Variants in SOX6 observed in about 807,000 individuals in gnomAD.
The protein encoded by SOX6 is transcription factor SOX-6.
In SOX6, 11 loss-of-function variants were observed where a neutral mutation model predicts 97.8. The observed-to-expected ratio is 0.11, with a 90% CI of 0.07 to 0.19. The LOEUF (loss-of-function observed/expected upper bound fraction) is 0.19, where lower values mean the gene tolerates loss of function less well. SOX6 is among the 10% of genes least tolerant of loss of function. SOX6 has a pLI of 1.00. For synonymous variants in SOX6, 360 were observed against 371.4 expected (o/e 0.97, Z 0.35); for missense variants, 810 against 1,039.5 (o/e 0.78, Z 3.04).
chr11:16,545,518 A>G (rs1032344126), intron 4 of SOX6, among the ~76,000 whole-genome samples: 1 of 152,208 alleles, frequency 6.6e-6, no homozygotes, highest in African/African-American at 2.4e-5. Context: ...GAATGGGGGA[A>G]AGCTGAAAGC....
chr11:16,095,012 T>C (rs1356644733), intron 9 of SOX6, among the ~76,000 whole-genome samples: 1 of 151,858 alleles, frequency 6.6e-6, no homozygotes, highest in Non-Finnish European at 1.5e-5. Context: ...ATTGACTACA[T>C]AGTGTTTGAG....
intron 4 of SOX6, among the ~76,000 whole-genome samples, chr11:16,193,546 A>T (rs1851688484): frequency 6.6e-6 from 1 of 152,188 alleles, no homozygotes; most frequent in African/African-American, 2.4e-5. Context: ...ACTTAATCGG[A>T]CTTAATGAAA....
chr11:16,247,057 C>T (rs186907546), intron 3 of SOX6, among the ~76,000 whole-genome samples: 143 of 152,264 alleles, frequency 9.4e-4, no homozygotes, highest in African/African-American at 3.2e-3. Flanking sequence ...TTATCCCCTG[C>T]TCCCCATTAT....
chr11:16,648,107 G>A (rs887134635), intron 3 of SOX6, among the ~76,000 whole-genome samples: 5 of 152,140 alleles, frequency 3.3e-5, no homozygotes, highest in Admixed American at 2.6e-4. Context: ...ACTGGAAAGG[G>A]TGAGGTCTGA....
chr11:16,134,540 C>T (rs527821415), intron 6 of SOX6, among the ~76,000 whole-genome samples: 2 of 152,320 alleles, frequency 1.3e-5, no homozygotes, highest in Admixed American at 6.5e-5. Flanking sequence ...GCAAGCCTAC[C>T]AATGTCATTT....
chr11:16,234,343 A>T (rs1475965350), intron 4 of SOX6, among the ~76,000 whole-genome samples: 14 of 152,166 alleles, frequency 9.2e-5, no homozygotes, highest in Non-Finnish European at 1.5e-4. Flanking sequence ...TAAATTAATG[A>T]GGCAGCATAT....
chr11:16,455,577 G>C (rs1364927441), intron 1 of SOX6, among the ~76,000 whole-genome samples: 1 of 151,948 alleles, frequency 6.6e-6, no homozygotes, highest in Non-Finnish European at 1.5e-5. Flanking sequence ...GTATCAGAAG[G>C]ACACAGATTA....
chr11:16,341,069 G>A lies in SOX6; in HGVS notation c.180C>T (p.Val60=). Reference sequence around the variant, plus strand: ...AGTCAGCATCTTGTTGAATGGTACTGACAAGTGTTGGTAGCTCCTCAGAGT... The same window carrying A: ...AGTCAGCATCTTGTTGAATGGTACTAACAAGTGTTGGTAGCTCCTCAGAGT... The part of the protein sequence containing the change: ...KPHSEELPTL[V]STIQQDADWD... Residue 60 remains valine, a synonymous_variant, in exon 2 of 16, where the codon GTC becomes GTT. Coordinates refer to ENST00000683767, the MANE Select transcript of SOX6 (RefSeq NM_001367873.1). 2.5e-6 allele frequency: 4 copies of A among 1,613,482 alleles called. No individual in the cohort carries two copies. Among genetic ancestry groups the A allele is most frequent in the Non-Finnish European group, 3.4e-6 (4 of 1,179,562 alleles).
intron 13 of SOX6, among the ~76,000 whole-genome samples, chr11:15,989,589 G>T (rs1853979308): frequency 6.6e-6 from 1 of 152,100 alleles, no homozygotes; most frequent in Admixed American, 6.5e-5. Flanking sequence ...ATTTGCCCCA[G>T]ATCACAACCA....
At chr11:16,592,985 G>A (rs945354379) in intron 4 of SOX6, among the ~76,000 whole-genome samples, 6 of 151,958 alleles carry the variant, frequency 3.9e-5, no homozygotes, top group Middle Eastern at 3.4e-3. Flanking sequence ...TTAAGAAAAA[G>A]CAGAGACCAG....
intron 3 of SOX6, among the ~76,000 whole-genome samples, chr11:16,309,448 G>A (rs1411161860): frequency 6.6e-6 from 1 of 152,070 alleles, no homozygotes; most frequent in Non-Finnish European, 1.5e-5. Context: ...TATGAAGTTT[G>A]AAAACAAGGC....
intron 4 of SOX6, among the ~76,000 whole-genome samples, chr11:16,549,014 T>G (rs910811861): frequency 1.3e-5 from 2 of 152,056 alleles, no homozygotes; most frequent in African/African-American, 4.8e-5. Flanking sequence ...TTCAATTTAA[T>G]TAAAAATAAT....
At chr11:16,444,008 T>C (rs1337141750) in intron 1 of SOX6, among the ~76,000 whole-genome samples, 2 of 65,536 alleles carry the variant, frequency 3.1e-5, no homozygotes, top group African/African-American at 7.9e-5. Flanking sequence ...CGAGACTCTG[T>C]CTCAAAAAAA....
At chr11:16,449,398 T>C (rs1019086190) in intron 1 of SOX6, among the ~76,000 whole-genome samples, 4 of 145,738 alleles carry the variant, frequency 2.7e-5, no homozygotes, top group African/African-American at 1.0e-4. Context: ...GTTCGCGCCA[T>C]TCTCCTGCCT....
chr11:16,437,055 G>A (rs1859388653), intron 1 of SOX6, among the ~76,000 whole-genome samples: 1 of 151,114 alleles, frequency 6.6e-6, no homozygotes, highest in Non-Finnish European at 1.5e-5. Context: ...CCAGGAGATT[G>A]ACACCAGCCT....
intron 1 of SOX6, among the ~76,000 whole-genome samples, chr11:16,462,179 C>G (rs1432342560): frequency 1.3e-5 from 2 of 152,234 alleles, no homozygotes; most frequent in Non-Finnish European, 2.9e-5. Flanking sequence ...AGATTAACCA[C>G]TGGTTATACC....
intron 3 of SOX6, among the ~76,000 whole-genome samples, chr11:16,696,079 T>C (rs556265906): frequency 6.6e-6 from 1 of 152,332 alleles, no homozygotes; most frequent in South Asian, 2.1e-4. Flanking sequence ...TTAGTTGTAG[T>C]TTACTTAATA....
chr11:16,341,956 T>C (rs1267095821), intron 1 of SOX6, among the ~76,000 whole-genome samples: 1 of 152,052 alleles, frequency 6.6e-6, no homozygotes, highest in Non-Finnish European at 1.5e-5. Context: ...GGCAATTTTG[T>C]AGCATTTGAA....
In SOX6 at chr11:16,612,975, T is replaced by TC. The variant is rs528533186; in HGVS notation, n.430-716dup. ...CCTAAGAGAAACTGTAAACGGGATT[T>TC]CCCCCCCACGATTGAATGGAAGCTC... On this transcript the variant is annotated intron_variant and non_coding_transcript_variant, in intron 3 of 5. Transcript: ENST00000524520. Among the ~76,000 whole-genome samples the TC allele has an allele frequency of 7.6e-4, 115 of 151,972 alleles. 1 individual carries two copies. The highest frequency in any genetic ancestry group is 2.2e-3 in the African/African-American group (92 of 41,432).
Sources: allele counts gnomAD v4.1 joint callset (sites outside exome capture counted in the v4.1 genomes callset), GRCh38; gene constraint gnomAD v4.1.1; transcripts MANE v1.5; gene names NCBI Gene and HGNC (gene_info 2026-07-23, HGNC 2026-07-21).